ZNF131: variants seen among roughly 807,000 people sequenced by gnomAD.
ZNF131 encodes the protein zinc finger and BTB domain containing 35.
Under a neutral mutation model 60.0 loss-of-function variants are expected in ZNF131, and 7 were observed. The observed-to-expected ratio is 0.12, with a 90% CI of 0.07 to 0.22. ZNF131 has a LOEUF of 0.22. Ranked by LOEUF, ZNF131 falls within the 10% of genes least tolerant of loss-of-function variation. ZNF131 has a pLI of 1.00. For synonymous variants in ZNF131, 257 were observed against 253.2 expected, an observed-to-expected ratio of 1.01 and a Z score of -0.14; for missense variants, 493 against 740.9, an observed-to-expected ratio of 0.67 and a Z score of 3.88.
At chr5:43,123,456 G>A in intron 3 of ZNF131, 146 bp downstream of exon 3, 1 of 557,884 alleles carries the variant, frequency 1.8e-6, no homozygotes, top group Non-Finnish European at 3.0e-6. Context: ...GGCATCAGTA[G>A]TTCCTGTAGG....
intron 4 of ZNF131, among the ~76,000 whole-genome samples, chr5:43,158,853 T>A (rs1443946729): frequency 6.6e-6 from 1 of 151,878 alleles, no homozygotes; most frequent in African/African-American, 2.4e-5. Flanking sequence ...AAGCCTTTTT[T>A]TTTTTTCCCA....
intron 5 of ZNF131, among the ~76,000 whole-genome samples, chr5:43,170,684 G>A (rs1349633275): frequency 2.7e-5 from 4 of 150,412 alleles, no homozygotes; most frequent in African/African-American, 9.8e-5. Flanking sequence ...CCAGGCTGGA[G>A]TGCAGTGGTG....
intron 5 of ZNF131, among the ~76,000 whole-genome samples, chr5:43,170,257 CAAATT>C (rs1310298285): frequency 6.6e-6 from 1 of 152,124 alleles, no homozygotes. Context: ...TCTTTTCTCT[CAAATT>C]AACTTTTCAT....
At chr5:43,131,502 T>C (rs1745352325) in intron 3 of ZNF131, among the ~76,000 whole-genome samples, 2 of 152,174 alleles carry the variant, frequency 1.3e-5, no homozygotes, top group African/African-American at 4.8e-5. Context: ...ACCTCTGTGT[T>C]GACATGGCAT....
chr5:43,130,279 A>AAAAAAAAAAAAAAAG (rs1381310515), intron 3 of ZNF131, among the ~76,000 whole-genome samples: 3 of 149,258 alleles, frequency 2.0e-5, no homozygotes, highest in African/African-American at 7.3e-5. Flanking sequence ...AAAAAAAAAA[A>AAAAAAAAAAAAAAAG]AAAGAGGAAA....
At chr5:43,135,989 C>T (rs1446648167) in intron 3 of ZNF131, among the ~76,000 whole-genome samples, 2 of 152,144 alleles carry the variant, frequency 1.3e-5, no homozygotes, top group Non-Finnish European at 2.9e-5. Context: ...GTGGTGCGTG[C>T]CTGTAGTCCC....
chr5:43,165,675 G>A (rs1013777670), intron 5 of ZNF131, among the ~76,000 whole-genome samples: 2 of 152,194 alleles, frequency 1.3e-5, no homozygotes, highest in African/African-American at 2.4e-5. Context: ...CATGTAATAA[G>A]ATTCTTAGGG....
At chr5:43,167,480 C>T (rs1478201438) in intron 5 of ZNF131, among the ~76,000 whole-genome samples, 1 of 152,122 alleles carries the variant, frequency 6.6e-6, no homozygotes, top group Non-Finnish European at 1.5e-5. Context: ...AGTCCTCTTC[C>T]TGTTTCTTAT....
chr5:43,131,776 G>A (rs1167786885), intron 3 of ZNF131, among the ~76,000 whole-genome samples: 1 of 148,184 alleles, frequency 6.7e-6, no homozygotes, highest in African/African-American at 2.5e-5. Flanking sequence ...TACCACCAGA[G>A]AATAACAAGG....
At chr5:43,134,685 CTTTTTTTCTT>C (rs1745805894) in intron 3 of ZNF131, among the ~76,000 whole-genome samples, 1 of 98,322 alleles carries the variant, frequency 1.0e-5, no homozygotes, top group Non-Finnish European at 2.1e-5. Flanking sequence ...AGTTGCTTTT[CTTTTTTTCTT>C]TTTTTTTTTT....
At chr5:43,137,857 G>A (rs888411384) in intron 3 of ZNF131, among the ~76,000 whole-genome samples, 1 of 152,202 alleles carries the variant, frequency 6.6e-6, no homozygotes, top group Non-Finnish European at 1.5e-5. Flanking sequence ...TAAAGAAAAT[G>A]TAGTATATGT....
Position 43,123,266 on chromosome 5 carries a change from A to G in ZNF131, c.182A>G (p.Lys61Arg), listed in dbSNP as rs1444666988. 6.8e-6 allele frequency: 11 copies of G among 1,612,604 alleles called. No individual in the cohort carries two copies. The highest frequency in any genetic ancestry group is 2.2e-5 in the South Asian group (2 of 90,718). ...VLAACSKFFY[K>R]FFQEFTQEPL... ...GCTGCTTGTAGTAAGTTCTTCTACA[A>G]ATTCTTTCAGGAGTTTACCCAAGAA... is the stretch of plus-strand genomic sequence containing the variant. The change falls in exon 3 of 7, where the codon AAA becomes AGA. Residue 61 changes from lysine (K) to arginine (R), a missense_variant. Transcript: ENST00000682664.
rs137874185 is a variant in ZNF131 at position 43,146,355 on chromosome 5, A to G, written c.371+7046A>G. 7.3e-3 allele frequency among the ~76,000 whole-genome samples: 1,110 copies of G among 152,282 alleles called. 12 individuals carry two copies. The highest frequency in any genetic ancestry group is 0.026 in the African/African-American group (1,069 of 41,560). On this transcript the variant is annotated intron_variant, in intron 4 of 6. Coordinates refer to ENST00000682664, the MANE Select transcript of ZNF131 (RefSeq NM_001330707.2). ...GTAATCCCAGCACTTTGGGAGGCCA[A>G]GGTGGGCGGATATGAGGTCAGGAGA... is the stretch of plus-strand genomic sequence containing the variant.
intron 3 of ZNF131, among the ~76,000 whole-genome samples, chr5:43,127,297 A>G (rs1350493024): frequency 8.5e-5 from 13 of 152,200 alleles, no homozygotes; most frequent in Admixed American, 8.5e-4. Context: ...TCTCCAGATA[A>G]TTAAAAATCT....
At chr5:43,164,898 C>T (rs1750159212) in intron 5 of ZNF131, among the ~76,000 whole-genome samples, 1 of 152,154 alleles carries the variant, frequency 6.6e-6, no homozygotes, top group South Asian at 2.1e-4. Flanking sequence ...TAACTTCAAC[C>T]AATTTCTATA....
intron 3 of ZNF131, 57 bp downstream of exon 3, chr5:43,123,367 ATGCT>A (rs1438751023): frequency 6.9e-7 from 1 of 1,443,830 alleles, no homozygotes; most frequent in African/African-American, 1.4e-5. Context: ...TTTTATTTAA[ATGCT>A]TGTTTTAAAT....
intron 3 of ZNF131, among the ~76,000 whole-genome samples, chr5:43,135,739 T>C (rs970653212): frequency 1.3e-5 from 2 of 152,104 alleles, no homozygotes; most frequent in African/African-American, 4.8e-5. Flanking sequence ...AAAAAGAAAC[T>C]AAAGACACTC....
intron 5 of ZNF131, among the ~76,000 whole-genome samples, chr5:43,172,248 C>T (rs894636669): frequency 6.6e-6 from 1 of 152,230 alleles, no homozygotes; most frequent in African/African-American, 2.4e-5. Flanking sequence ...TGGTGTTTCA[C>T]TGGGTTCTGC....
chr5:43,155,558 A>C (rs890267546), intron 4 of ZNF131, among the ~76,000 whole-genome samples: 5 of 152,252 alleles, frequency 3.3e-5, no homozygotes, highest in African/African-American at 4.8e-5. Context: ...AGGTAGAGAG[A>C]ATGCACTGCA....
Sources: gnomAD v4.1 joint callset for allele counts (sites outside exome capture counted in the v4.1 genomes callset) on GRCh38, gnomAD v4.1.1 for gene constraint, MANE v1.5 for transcripts, NCBI Gene and HGNC (gene_info 2026-07-23, HGNC 2026-07-21) for gene names.